Variants in NRG1 observed in about 807,000 individuals in gnomAD.
NRG1 encodes neuregulin 1.
A neutral mutation model predicts 63.8 loss-of-function variants in NRG1; 18 were observed. The ratio of observed to expected loss-of-function variants is 0.28; its 90% CI spans 0.19 to 0.42. The LOEUF (loss-of-function observed/expected upper bound fraction) is 0.42, where lower values mean the gene tolerates loss of function less well. Ranked by LOEUF, NRG1 falls within the 10% of genes least tolerant of loss-of-function variation. NRG1 has a pLI of 1.00. For missense variants in NRG1, 762 were observed against 814.7 expected (o/e 0.94, Z 0.79); for synonymous variants, 302 against 301.3 (o/e 1.00, Z -0.02).
chr8:32,336,876 C>T (rs1803337534), intron 1 of NRG1, among the ~76,000 whole-genome samples: 1 of 152,152 alleles, frequency 6.6e-6, no homozygotes, highest in Non-Finnish European at 1.5e-5. Context: ...TCCCAAAGTG[C>T]TGGGATTACA....
intron 1 of NRG1, among the ~76,000 whole-genome samples, chr8:31,826,528 G>C (rs1170959125): frequency 6.6e-6 from 1 of 152,184 alleles, no homozygotes; most frequent in Admixed American, 6.5e-5. Flanking sequence ...GGAATTGTGA[G>C]TCCATTAATA....
intron 1 of NRG1, among the ~76,000 whole-genome samples, chr8:32,174,284 A>T (rs1165260369): frequency 6.6e-6 from 1 of 152,184 alleles, no homozygotes; most frequent in Admixed American, 6.5e-5. Flanking sequence ...TTTGAAACCA[A>T]CGAGAACAAA....
chr8:32,017,652 TAAGAGAACTCAGAAA>T (rs1815759724), intron 1 of NRG1, among the ~76,000 whole-genome samples: 1 of 152,144 alleles, frequency 6.6e-6, no homozygotes, highest in Non-Finnish European at 1.5e-5. Flanking sequence ...CTAGAGTAGC[TAAGAGAACTCAGAAA>T]AAGACGTGAC....
chr8:32,476,256 C>T (rs1279398029), intron 1 of NRG1, among the ~76,000 whole-genome samples: 1 of 152,082 alleles, frequency 6.6e-6, no homozygotes, highest in Non-Finnish European at 1.5e-5. Flanking sequence ...TAAAGAATTC[C>T]AGAGCTGGCT....
chr8:32,375,218 T>C (rs966472462), intron 1 of NRG1, among the ~76,000 whole-genome samples: 1 of 151,448 alleles, frequency 6.6e-6, no homozygotes, highest in Non-Finnish European at 1.5e-5. Context: ...GATCAAGCAA[T>C]CCCCCCACCT....
At chr8:32,296,413 A>G (rs1341498959) in intron 1 of NRG1, among the ~76,000 whole-genome samples, 1 of 152,114 alleles carries the variant, frequency 6.6e-6, no homozygotes, top group African/African-American at 2.4e-5. Context: ...CAGGAGTTCC[A>G]GACCATCCTG....
At chr8:31,882,111 C>T (rs1830390913) in intron 1 of NRG1, among the ~76,000 whole-genome samples, 1 of 152,014 alleles carries the variant, frequency 6.6e-6, no homozygotes, top group African/African-American at 2.4e-5. Flanking sequence ...CTTCAAGGGA[C>T]AGGCTATCTT....
intron 1 of NRG1, among the ~76,000 whole-genome samples, chr8:32,266,404 A>T (rs1220625252): frequency 3.3e-5 from 5 of 152,190 alleles, no homozygotes; most frequent in Non-Finnish European, 7.3e-5. Flanking sequence ...CTAACAGCTT[A>T]GCCTAAATTT....
intron 9 of NRG1, among the ~76,000 whole-genome samples, chr8:32,757,256 CT>C (rs1318512504): frequency 6.6e-6 from 1 of 152,106 alleles, no homozygotes; most frequent in Admixed American, 6.6e-5. Flanking sequence ...TCAAATCTCT[CT>C]TTTTCTTTTT....
intron 1 of NRG1, among the ~76,000 whole-genome samples, chr8:31,816,918 T>G (rs1435548098): frequency 1.3e-5 from 2 of 152,196 alleles, no homozygotes; most frequent in East Asian, 3.8e-4. Context: ...TTATGAAAAT[T>G]AAATAAGTTC....
At chr8:32,758,575 C>CAAAA (rs35499101) in intron 9 of NRG1, among the ~76,000 whole-genome samples, 7 of 74,530 alleles carry the variant, frequency 9.4e-5, no homozygotes, top group East Asian at 5.2e-4. Flanking sequence ...GACTCCATCT[C>CAAAA]AAAAAAAAAA....
intron 5 of NRG1, among the ~76,000 whole-genome samples, chr8:32,699,756 A>G (rs1814356282): frequency 2.6e-5 from 4 of 152,156 alleles, no homozygotes; most frequent in Admixed American, 2.6e-4. Flanking sequence ...AATATTACAG[A>G]TGGTTCAAAT....
intron 1 of NRG1, among the ~76,000 whole-genome samples, chr8:31,794,856 G>A (rs1053837004): frequency 1.3e-5 from 2 of 152,080 alleles, no homozygotes; most frequent in Non-Finnish European, 2.9e-5. Flanking sequence ...AGGCTGGAGT[G>A]CAGCAGCACA....
chr8:31,855,005 A>C (rs1827695985), intron 1 of NRG1, among the ~76,000 whole-genome samples: 1 of 152,066 alleles, frequency 6.6e-6, no homozygotes, highest in Admixed American at 6.5e-5. Context: ...GTTCTTTTAC[A>C]TTTGCTGAGG....
At chr8:32,335,859 G>A (rs1803196026) in intron 1 of NRG1, among the ~76,000 whole-genome samples, 1 of 152,076 alleles carries the variant, frequency 6.6e-6, no homozygotes. Context: ...AACACACACA[G>A]CCAGGTCATG....
chr8:32,475,463 C>CAAAAAA lies in NRG1; in HGVS notation c.38-120353_38-120348dup, dbSNP rs55906650. Among the ~76,000 whole-genome samples the CAAAAAA allele has an allele frequency of 0.054, 4,379 of 81,470 alleles. 656 individuals are homozygous for CAAAAAA. In the East Asian group the frequency reaches 0.56, roughly 11 times the overall value. 53.4% of individuals were successfully genotyped at this position (81,470 alleles called of 152,430 possible). On this transcript the variant is annotated intron_variant, in intron 1 of 10. Transcript: ENST00000519301. ...CTGGTGACAGAGAGAGACTCTGTCT[C>CAAAAAA]AAAAAAAAAAAAAAAAAGTGCCTAC... is the stretch of plus-strand genomic sequence containing the variant.
intron 1 of NRG1, among the ~76,000 whole-genome samples, chr8:32,222,826 C>T (rs929981657): frequency 1.3e-5 from 2 of 152,154 alleles, no homozygotes; most frequent in Non-Finnish European, 2.9e-5. Context: ...ATCAAAATGG[C>T]TGGAGAAAGT....
chr8:32,191,277 G>A (rs754366303), intron 1 of NRG1, among the ~76,000 whole-genome samples: 32 of 152,000 alleles, frequency 2.1e-4, no homozygotes, highest in Non-Finnish European at 3.8e-4. Flanking sequence ...CAGGGACAGG[G>A]TTTCACCATG....
chr8:32,182,310 G>A (rs1841515966), intron 1 of NRG1, among the ~76,000 whole-genome samples: 1 of 151,026 alleles, frequency 6.6e-6, no homozygotes, highest in African/African-American at 2.4e-5. Context: ...ACAGTGGTGG[G>A]ATCTCGGCTC....
Sources: gnomAD v4.1 joint callset for allele counts (sites outside exome capture counted in the v4.1 genomes callset) on GRCh38, gnomAD v4.1.1 for gene constraint, MANE v1.5 for transcripts, NCBI Gene and HGNC (gene_info 2026-07-23, HGNC 2026-07-21) for gene names.